The following RAD51B variants were observed in gnomAD, a reference collection of about 807,000 sequenced individuals.
The protein encoded by RAD51B is DNA repair protein RAD51 homolog 2.
A neutral mutation model predicts 42.2 loss-of-function variants in RAD51B; 38 were observed. That is an observed-to-expected ratio of 0.90 (90% confidence interval 0.70 to 1.18). The LOEUF is 1.18. Ranked by LOEUF, RAD51B falls within the 50% of genes most tolerant of loss-of-function variation. The probability of loss-of-function intolerance (pLI) is 0.00; values close to 1 mark genes in which losing one functional copy is unlikely to be tolerated. For synonymous variants in RAD51B, 154 were observed against 145.2 expected (o/e 1.06, Z -0.43); for missense variants, 373 against 400.7 (o/e 0.93, Z 0.59).
chr14:68,626,067 A>G (rs1342341352), intron 10 of RAD51B, among the ~76,000 whole-genome samples: 1 of 152,222 alleles, frequency 6.6e-6, no homozygotes, highest in Non-Finnish European at 1.5e-5. Flanking sequence ...TATCCCCCGT[A>G]TTTATCCACT....
intron 10 of RAD51B, among the ~76,000 whole-genome samples, chr14:68,643,497 G>T (rs140049129): frequency 6.6e-6 from 1 of 152,104 alleles, no homozygotes; most frequent in Admixed American, 6.5e-5. Context: ...GGGAGTGGTG[G>T]GGGGATAAAG....
At chr14:67,989,107 C>A (rs1026562409) in intron 7 of RAD51B, among the ~76,000 whole-genome samples, 4 of 152,178 alleles carry the variant, frequency 2.6e-5, no homozygotes, top group Non-Finnish European at 5.9e-5. Context: ...CCTGATCTAT[C>A]CACTACTGGC....
chr14:68,614,235 C>G (rs1237875292), downstream of RAD51B, among the ~76,000 whole-genome samples: 1 of 152,136 alleles, frequency 6.6e-6, no homozygotes, highest in Non-Finnish European at 1.5e-5. Context: ...ATTCTGTAGC[C>G]TTTGTAGGGA....
At chr14:68,246,746 C>A (rs2080507254) in intron 7 of RAD51B, among the ~76,000 whole-genome samples, 1 of 152,106 alleles carries the variant, frequency 6.6e-6, no homozygotes. Context: ...AAATAGAGTT[C>A]TTTTCTTGGC....
intron 7 of RAD51B, among the ~76,000 whole-genome samples, chr14:67,939,745 C>T (rs1235479377): frequency 6.6e-6 from 1 of 151,902 alleles, no homozygotes; most frequent in Admixed American, 6.6e-5. Context: ...CATGGCTGTT[C>T]CCATCACAGG....
intron 10 of RAD51B, among the ~76,000 whole-genome samples, chr14:68,490,221 G>T (rs1227549392): frequency 6.6e-6 from 1 of 152,146 alleles, no homozygotes; most frequent in Non-Finnish European, 1.5e-5. Flanking sequence ...TTATTTATGT[G>T]ATTTTAATTT....
At chr14:68,639,963 A>G (rs1892422568) in intron 10 of RAD51B, among the ~76,000 whole-genome samples, 1 of 151,872 alleles carries the variant, frequency 6.6e-6, no homozygotes, top group South Asian at 2.1e-4. Context: ...CACCACACCC[A>G]GCTAATTTTT....
intron 9 of RAD51B, among the ~76,000 whole-genome samples, chr14:68,440,753 AAAAGAAAG>A (rs548379344): frequency 4.6e-5 from 7 of 152,006 alleles, no homozygotes; most frequent in African/African-American, 1.2e-4. Flanking sequence ...TCTCAAAAAA[AAAAGAAAG>A]AAAGAAAGAA....
intron 7 of RAD51B, among the ~76,000 whole-genome samples, chr14:68,097,366 A>G (rs983705915): frequency 6.6e-6 from 1 of 152,012 alleles, no homozygotes; most frequent in African/African-American, 2.4e-5. Flanking sequence ...GAAGTTTTTG[A>G]ACATTTATAT....
At chr14:68,123,030 CA>C (rs201611806) in intron 7 of RAD51B, among the ~76,000 whole-genome samples, 191 of 152,142 alleles carry the variant, frequency 1.3e-3, no homozygotes, top group Non-Finnish European at 1.9e-3. Context: ...AGGTTGTTTC[CA>C]GGGGGGGGTT....
At chr14:68,411,798 G>A (rs992859250) in intron 9 of RAD51B, among the ~76,000 whole-genome samples, 7 of 152,140 alleles carry the variant, frequency 4.6e-5, no homozygotes, top group African/African-American at 1.7e-4. Flanking sequence ...ACACCTCTAA[G>A]GGTATCCAAT....
intron 7 of RAD51B, among the ~76,000 whole-genome samples, chr14:68,204,864 C>CT (rs1484452215): frequency 6.6e-6 from 1 of 152,084 alleles, no homozygotes; most frequent in African/African-American, 2.4e-5. Flanking sequence ...CTGTATTGTT[C>CT]TATAGCTATT....
At chr14:68,644,839 G>T (rs1892532988) in intron 10 of RAD51B, among the ~76,000 whole-genome samples, 3 of 151,978 alleles carry the variant, frequency 2.0e-5, no homozygotes. Flanking sequence ...ATAAAGAAGA[G>T]AATAAAAATA....
chr14:68,364,497 C>A (rs1234359727), intron 8 of RAD51B, among the ~76,000 whole-genome samples: 1 of 152,192 alleles, frequency 6.6e-6, no homozygotes, highest in African/African-American at 2.4e-5. Context: ...GACCGCCGGG[C>A]GCGGTGGAGG....
intron 8 of RAD51B, among the ~76,000 whole-genome samples, chr14:68,391,706 A>G (rs1427226209): frequency 2.6e-5 from 4 of 151,874 alleles, no homozygotes; most frequent in Admixed American, 2.6e-4. Flanking sequence ...TTTACCCTGT[A>G]TGTGGAAAAA....
chr14:68,668,642 C>T (rs1566968121), intron 11 of RAD51B, among the ~76,000 whole-genome samples: 1 of 152,230 alleles, frequency 6.6e-6, no homozygotes, highest in Non-Finnish European at 1.5e-5. Flanking sequence ...CATTCCCATT[C>T]TGACTAAGGT....
At chr14:68,548,273 T>C (rs1888339883) in intron 10 of RAD51B, among the ~76,000 whole-genome samples, 2 of 152,218 alleles carry the variant, frequency 1.3e-5, no homozygotes, top group South Asian at 4.1e-4. Flanking sequence ...ACTCTCCCGC[T>C]GTGGCTCACT....
intron 5 of RAD51B, among the ~76,000 whole-genome samples, chr14:67,879,094 C>G (rs1357197114): frequency 1.3e-5 from 2 of 152,154 alleles, no homozygotes; most frequent in Admixed American, 1.3e-4. Flanking sequence ...AGAGTTATTG[C>G]AAAGAATTGG....
intron 7 of RAD51B, among the ~76,000 whole-genome samples, chr14:68,062,546 C>A (rs1407545849): frequency 6.6e-6 from 1 of 152,218 alleles, no homozygotes; most frequent in Non-Finnish European, 1.5e-5. Context: ...GTAATCCCAG[C>A]ACTTTGGGAG....
Sources: allele counts gnomAD v4.1 joint callset (sites outside exome capture counted in the v4.1 genomes callset), GRCh38; gene constraint gnomAD v4.1.1; transcripts MANE v1.5; gene names NCBI Gene and HGNC (gene_info 2026-07-23, HGNC 2026-07-21).